Variants in NCOA2 observed in about 807,000 individuals in gnomAD.
The protein encoded by NCOA2 is nuclear receptor coactivator 2.
Under a neutral mutation model 145.1 loss-of-function variants are expected in NCOA2, and 21 were observed. The ratio of observed to expected loss-of-function variants is 0.14; its 90% CI spans 0.10 to 0.21. The LOEUF is 0.21. Among genes scored for constraint, NCOA2 ranks in the 10% least tolerant of loss-of-function variants. NCOA2 has a pLI of 1.00. For synonymous variants in NCOA2, 619 were observed against 637.5 expected, an observed-to-expected ratio of 0.97 and a Z score of 0.44; for missense variants, 1,472 against 1,837.6, an observed-to-expected ratio of 0.80 and a Z score of 3.64.
At chr8:70,295,545 A>T (rs16936891) in intron 2 of NCOA2, among the ~76,000 whole-genome samples, 8,345 of 152,276 alleles carry the variant, frequency 0.055, 305 homozygotes, top group East Asian at 0.16. Context: ...TACCCTGATT[A>T]AGCATATTTG....
chr8:70,326,473 G>GCACA (rs771384690), intron 1 of NCOA2, among the ~76,000 whole-genome samples: 1 of 143,424 alleles, frequency 7.0e-6, no homozygotes, highest in African/African-American at 2.5e-5. Flanking sequence ...ACACACACAT[G>GCACA]CACACACACA....
chr8:70,282,418 G>C (rs937960480), intron 2 of NCOA2, among the ~76,000 whole-genome samples: 1 of 152,184 alleles, frequency 6.6e-6, no homozygotes, highest in African/African-American at 2.4e-5. Flanking sequence ...GGGCACGGAG[G>C]CTCATGCCTT....
intron 1 of NCOA2, among the ~76,000 whole-genome samples, chr8:70,383,183 G>A (rs905768809): frequency 6.6e-6 from 1 of 152,122 alleles, no homozygotes; most frequent in Non-Finnish European, 1.5e-5. Flanking sequence ...CAAGAAGCTG[G>A]GATATGAAGG....
chr8:70,387,436 T>C (rs375340730), intron 1 of NCOA2, among the ~76,000 whole-genome samples: 4 of 152,378 alleles, frequency 2.6e-5, no homozygotes, highest in South Asian at 4.1e-4. Flanking sequence ...TTATATCTCA[T>C]ATTGAATCAC....
chr8:70,442,138 A>AGAAAGAAAGAAAGAAG, the NCOA2 span, among the ~76,000 whole-genome samples: 80 of 124,346 alleles, frequency 6.4e-4, no homozygotes, highest in African/African-American at 2.8e-3. Context: ...AAAGAAAGAA[A>AGAAAGAAAGAAAGAAG]GAAAGAAAGA....
At chr8:70,298,338 C>T (rs1341581358) in intron 1 of NCOA2, among the ~76,000 whole-genome samples, 2 of 152,154 alleles carry the variant, frequency 1.3e-5, no homozygotes, top group African/African-American at 4.8e-5. Context: ...TTACCAAGAC[C>T]TGGCCAGTCT....
At chr8:70,139,477 T>C (rs1810124776) in intron 14 of NCOA2, among the ~76,000 whole-genome samples, 1 of 152,164 alleles carries the variant, frequency 6.6e-6, no homozygotes, top group East Asian at 1.9e-4. Context: ...TATACAAATT[T>C]ATGTTTGAGA....
At chr8:70,131,258 G>A (rs1260331013) in intron 16 of NCOA2, among the ~76,000 whole-genome samples, 1 of 152,080 alleles carries the variant, frequency 6.6e-6, no homozygotes, top group Non-Finnish European at 1.5e-5. Flanking sequence ...CACAGGCACA[G>A]TCAGTGCACA....
chr8:70,116,496 A>G (rs568454083), intron 22 of NCOA2, among the ~76,000 whole-genome samples: 2 of 151,978 alleles, frequency 1.3e-5, no homozygotes, highest in Admixed American at 6.6e-5. Context: ...GGCTGCAGTG[A>G]GCTAAGATCG....
In NCOA2 at chr8:70,110,742, A is replaced by G. The variant is rs1475330487; in HGVS notation, c.*2890T>C. ...TTATTACAGGCCATAAGAGATACAC[A>G]TAGGGGGAGGGGCATTTTAATCTTT... On this transcript the variant is annotated 3_prime_UTR_variant, in exon 23 of 23. Coordinates refer to ENST00000452400, the MANE Select transcript of NCOA2 (RefSeq NM_006540.4). 4.5e-6 allele frequency: 1 copy of G among 222,822 alleles called. No homozygotes were observed. The highest frequency in any genetic ancestry group is 2.2e-5 in the African/African-American group (1 of 44,828). 13.8% of individuals were successfully genotyped at this position (222,822 alleles called of 1,614,324 possible). A position where few individuals can be genotyped will look rare whatever the true frequency, so the allele number is the denominator to read the frequency against.
chr8:70,441,319 GGA>G, the NCOA2 span, among the ~76,000 whole-genome samples: 2 of 135,758 alleles, frequency 1.5e-5, no homozygotes, highest in African/African-American at 5.5e-5. Flanking sequence ...AAAGAGGAAA[GGA>G]GAGAGAAAGA....
At chr8:70,379,660 C>CT (rs1812010270) in intron 1 of NCOA2, among the ~76,000 whole-genome samples, 2 of 152,088 alleles carry the variant, frequency 1.3e-5, no homozygotes, top group Admixed American at 6.6e-5. Context: ...AAAAAGTCAT[C>CT]TTTTTGCCCA....
chr8:70,161,743 G>C (rs1813034488), intron 9 of NCOA2, among the ~76,000 whole-genome samples: 1 of 152,142 alleles, frequency 6.6e-6, no homozygotes, highest in Non-Finnish European at 1.5e-5. Context: ...TGAGTTACAA[G>C]CTGCACTGCA....
At chr8:70,372,020 A>C (rs1811269534) in intron 1 of NCOA2, among the ~76,000 whole-genome samples, 1 of 152,298 alleles carries the variant, frequency 6.6e-6, no homozygotes. Flanking sequence ...ATTAGGGAAA[A>C]AATGTTATTA....
the NCOA2 span, among the ~76,000 whole-genome samples, chr8:70,414,516 A>G: frequency 3.3e-5 from 5 of 152,158 alleles, no homozygotes; most frequent in Admixed American, 3.3e-4. Flanking sequence ...GAGCAACCAC[A>G]TTACCCCAAG....
intron 1 of NCOA2, among the ~76,000 whole-genome samples, chr8:70,378,639 C>T (rs528985299): frequency 6.7e-6 from 1 of 148,494 alleles, no homozygotes; most frequent in Non-Finnish European, 1.5e-5. Context: ...AACTGAAGCT[C>T]AATGTATTTG....
intron 1 of NCOA2, among the ~76,000 whole-genome samples, chr8:70,318,480 G>A (rs1403464519): frequency 2.0e-5 from 3 of 152,062 alleles, no homozygotes; most frequent in African/African-American, 4.8e-5. Context: ...CTTAAAAAGT[G>A]GCTGGCCAGG....
intron 2 of NCOA2, among the ~76,000 whole-genome samples, chr8:70,241,572 A>G (rs919430779): frequency 3.3e-5 from 5 of 152,192 alleles, no homozygotes; most frequent in African/African-American, 1.2e-4. Flanking sequence ...CTTGTCCATT[A>G]TGTTCATCCT....
At chr8:70,168,678 T>C (rs1813901118) in intron 6 of NCOA2, among the ~76,000 whole-genome samples, 2 of 152,274 alleles carry the variant, frequency 1.3e-5, no homozygotes, top group East Asian at 3.9e-4. Flanking sequence ...AGTAGTCAAC[T>C]GAAGGGAAAA....
Sources: gnomAD v4.1 joint callset for allele counts (sites outside exome capture counted in the v4.1 genomes callset) on GRCh38, gnomAD v4.1.1 for gene constraint, MANE v1.5 for transcripts, NCBI Gene and HGNC (gene_info 2026-07-23, HGNC 2026-07-21) for gene names.